MTCL3: variants seen among roughly 807,000 people sequenced by gnomAD.
MTCL3 encodes microtubule cross-linking factor 3.
At chr6:127,506,096 G>A in the MTCL3 span, among the ~76,000 whole-genome samples, 2 of 152,168 alleles carry the variant, frequency 1.3e-5, no homozygotes, top group Non-Finnish European at 2.9e-5. Flanking sequence ...GGGAATGACA[G>A]ATGAGGTCTC....
chr6:127,473,601 A>G, the MTCL3 span, among the ~76,000 whole-genome samples: 1 of 152,210 alleles, frequency 6.6e-6, no homozygotes, highest in South Asian at 2.1e-4. Flanking sequence ...GTATAACCGA[A>G]TACATATCAA....
the MTCL3 span, chr6:127,481,394 C>A: frequency 1.0e-6 from 1 of 985,068 alleles, no homozygotes; most frequent in Non-Finnish European, 1.2e-6. Flanking sequence ...GAGAAAGGTA[C>A]AAAAAATGAT....
the MTCL3 span, among the ~76,000 whole-genome samples, chr6:127,488,141 C>T: frequency 6.6e-6 from 1 of 152,134 alleles, no homozygotes; most frequent in African/African-American, 2.4e-5. Flanking sequence ...ACCAAGTATG[C>T]CCTTGTTTGG....
chr6:127,493,284 G>C, the MTCL3 span, among the ~76,000 whole-genome samples: 1 of 152,048 alleles, frequency 6.6e-6, no homozygotes, highest in Non-Finnish European at 1.5e-5. Context: ...TTAAGGATTC[G>C]ATTTTCCAAA....
At chr6:127,486,491 C>G in the MTCL3 span, among the ~76,000 whole-genome samples, 4 of 152,264 alleles carry the variant, frequency 2.6e-5, no homozygotes, top group East Asian at 1.9e-4. Context: ...TAACCTCCCC[C>G]CTTGTCATCC....
the MTCL3 span, among the ~76,000 whole-genome samples, chr6:127,480,029 G>A: frequency 6.6e-6 from 1 of 152,172 alleles, no homozygotes; most frequent in African/African-American, 2.4e-5. Flanking sequence ...TCTGAGGTGT[G>A]AAGCAAGTTA....
At chr6:127,512,985 G>C in the MTCL3 span, 7 of 1,611,554 alleles carry the variant, frequency 4.3e-6, no homozygotes, top group Admixed American at 8.4e-5. Context: ...ATCTTCTGTT[G>C]TTGTTCTCTT....
the MTCL3 span, among the ~76,000 whole-genome samples, chr6:127,484,332 G>A: frequency 2.0e-5 from 3 of 152,122 alleles, no homozygotes; most frequent in South Asian, 6.2e-4. Flanking sequence ...AATAGCCCAC[G>A]TGGTTATTCA....
chr6:127,509,609 C>T, the MTCL3 span, among the ~76,000 whole-genome samples: 1 of 152,064 alleles, frequency 6.6e-6, no homozygotes. Flanking sequence ...GAGAGCTTGG[C>T]CTGGTTCTAC....
At chr6:127,490,900 T>C in the MTCL3 span, among the ~76,000 whole-genome samples, 1 of 152,122 alleles carries the variant, frequency 6.6e-6, no homozygotes, top group East Asian at 1.9e-4. Flanking sequence ...TAACAGGAGT[T>C]TGGAAGAAGT....
the MTCL3 span, chr6:127,516,276 G>T: frequency 5.3e-6 from 8 of 1,503,180 alleles, no homozygotes; most frequent in South Asian, 2.6e-5. Flanking sequence ...CTCCCGGAGC[G>T]GCCCCTTTGG....
the MTCL3 span, chr6:127,482,769 A>G: frequency 1.8e-6 from 1 of 553,140 alleles, no homozygotes; most frequent in Non-Finnish European, 3.2e-6. This position sits in a 1 kb window ranked among gnomAD's most constrained non-coding sequence, Gnocchi z 4.1. Context: ...TACTACCTGT[A>G]TCTACAGCTA....
the MTCL3 span, among the ~76,000 whole-genome samples, chr6:127,488,514 C>T: frequency 6.6e-6 from 1 of 152,144 alleles, no homozygotes; most frequent in African/African-American, 2.4e-5. Context: ...TAGTCTATGT[C>T]AGTTCAATGA....
At chr6:127,515,631 G>C in the MTCL3 span, 8 of 1,418,144 alleles carry the variant, frequency 5.6e-6, no homozygotes, top group Non-Finnish European at 7.3e-6. This position sits in a 1 kb window ranked among gnomAD's most constrained non-coding sequence, Gnocchi z 4.3. Context: ...GCATGCCCCC[G>C]CCGCTCGCGC....
chr6:127,515,598 C>A, the MTCL3 span: 1 of 1,430,156 alleles, frequency 7.0e-7, no homozygotes, highest in Non-Finnish European at 9.1e-7. This position sits in a 1 kb window ranked among gnomAD's most constrained non-coding sequence, Gnocchi z 4.3. Context: ...GGTGCGGCTG[C>A]GACGAAGGGG....
At chr6:127,494,495 A>C in the MTCL3 span, among the ~76,000 whole-genome samples, 2 of 152,190 alleles carry the variant, frequency 1.3e-5, no homozygotes, top group Non-Finnish European at 2.9e-5. Flanking sequence ...CATCCCCTTT[A>C]AAAGTCAGGT....
the MTCL3 span, among the ~76,000 whole-genome samples, chr6:127,511,985 C>G: frequency 6.6e-6 from 1 of 152,134 alleles, no homozygotes; most frequent in Admixed American, 6.5e-5. Context: ...GGAAATTTTT[C>G]GGAAGACAAC....
At chr6:127,476,506 A>AT in the MTCL3 span, 2 of 1,472,776 alleles carry the variant, frequency 1.4e-6, no homozygotes, top group East Asian at 4.6e-5. This position sits in a 1 kb window ranked among gnomAD's most constrained non-coding sequence, Gnocchi z 4.4. Context: ...ATAGGAGATC[A>AT]TTTTTATGTA....
the MTCL3 span, among the ~76,000 whole-genome samples, chr6:127,497,141 T>C: frequency 6.6e-6 from 1 of 152,316 alleles, no homozygotes; most frequent in African/African-American, 2.4e-5. Flanking sequence ...ACAAAATCAC[T>C]GAATTGTACC....
Sources: allele counts gnomAD v4.1 joint callset (sites outside exome capture counted in the v4.1 genomes callset), GRCh38; gene constraint gnomAD v4.1.1; non-coding constraint Gnocchi (gnomAD v3.1); transcripts MANE v1.5; gene names NCBI Gene and HGNC (gene_info 2026-07-23, HGNC 2026-07-21).